MAGI2: variants seen among roughly 807,000 people sequenced by gnomAD.
The protein encoded by MAGI2 is membrane associated guanylate kinase, WW and PDZ domain containing 2.
In MAGI2, 35 loss-of-function variants were observed where a neutral mutation model predicts 133.3. That is an observed-to-expected ratio of 0.26 (90% CI 0.20 to 0.35). MAGI2 has a LOEUF of 0.35. MAGI2 is among the 10% of genes least tolerant of loss of function. The probability of loss-of-function intolerance (pLI) is 1.00; values close to 1 mark genes in which losing one functional copy is unlikely to be tolerated. For synonymous variants in MAGI2, 729 were observed against 710.6 expected (o/e 1.03, Z -0.41); for missense variants, 1,636 against 1,863.4 (o/e 0.88, Z 2.25).
chr7:79,191,306 G>A (rs1292218191), intron 1 of MAGI2, among the ~76,000 whole-genome samples: 1 of 149,248 alleles, frequency 6.7e-6, no homozygotes, highest in Non-Finnish European at 1.5e-5. Flanking sequence ...CCTTCACATA[G>A]AGATTATGTC....
At chr7:78,983,599 T>G (rs1175003397) in intron 2 of MAGI2, among the ~76,000 whole-genome samples, 3 of 152,006 alleles carry the variant, frequency 2.0e-5, no homozygotes, top group Admixed American at 6.6e-5. Context: ...TAAATAGTCT[T>G]GCATTCTATA....
intron 2 of MAGI2, among the ~76,000 whole-genome samples, chr7:78,871,841 C>T (rs890580782): frequency 6.6e-6 from 1 of 151,848 alleles, no homozygotes; most frequent in Non-Finnish European, 1.5e-5. Flanking sequence ...AAACTGAGTT[C>T]AGTTTAAGAA....
At chr7:78,903,233 G>C (rs1407553251) in intron 2 of MAGI2, among the ~76,000 whole-genome samples, 1 of 111,054 alleles carries the variant, frequency 9.0e-6, no homozygotes, top group Admixed American at 1.4e-4. Context: ...TCGCTCTTTC[G>C]CCCAGGCTGG....
At chr7:78,965,560 T>G (rs976493124) in intron 2 of MAGI2, among the ~76,000 whole-genome samples, 3 of 152,028 alleles carry the variant, frequency 2.0e-5, no homozygotes, top group Non-Finnish European at 4.4e-5. Context: ...TTTTTTTCAT[T>G]TTTACTTAGC....
chr7:78,851,172 T>C (rs929950024), intron 2 of MAGI2, among the ~76,000 whole-genome samples: 1 of 152,062 alleles, frequency 6.6e-6, no homozygotes, highest in African/African-American at 2.4e-5. Flanking sequence ...TAATAATAAA[T>C]ACCGTGATTA....
intron 2 of MAGI2, among the ~76,000 whole-genome samples, chr7:78,745,497 G>A (rs142700223): frequency 3.5e-3 from 539 of 151,848 alleles, no homozygotes; most frequent in Non-Finnish European, 5.5e-3. Flanking sequence ...CAAGGTGTGT[G>A]CTTTCTAATA....
chr7:78,542,076 G>A (rs1167207859), intron 3 of MAGI2, among the ~76,000 whole-genome samples: 1 of 152,086 alleles, frequency 6.6e-6, no homozygotes, highest in Non-Finnish European at 1.5e-5. Flanking sequence ...ATAAGTGTGG[G>A]TGTACACCAA....
chr7:79,204,349 C>T (rs7791566), intron 1 of MAGI2, among the ~76,000 whole-genome samples: 27,567 of 151,954 alleles, frequency 0.18, 6,356 homozygotes, highest in African/African-American at 0.53. Context: ...AACAGCAGGC[C>T]GGCCTCAGTG....
intron 2 of MAGI2, among the ~76,000 whole-genome samples, chr7:78,682,399 G>A (rs1815777680): frequency 6.6e-6 from 1 of 152,060 alleles, no homozygotes; most frequent in African/African-American, 2.4e-5. Context: ...GCAGGCCCCA[G>A]TGTGTGATGC....
intron 1 of MAGI2, among the ~76,000 whole-genome samples, chr7:79,406,275 C>A (rs560469802): frequency 1.2e-4 from 18 of 151,996 alleles, no homozygotes; most frequent in African/African-American, 4.3e-4. Context: ...AATAAGAGAC[C>A]TGGAAAACAT....
At chr7:78,917,727 A>G (rs1038010848) in intron 2 of MAGI2, among the ~76,000 whole-genome samples, 1 of 152,146 alleles carries the variant, frequency 6.6e-6, no homozygotes, top group Non-Finnish European at 1.5e-5. Context: ...TATCTGACAG[A>G]CACCGGCCAT....
intron 1 of MAGI2, among the ~76,000 whole-genome samples, chr7:79,443,210 C>T (rs1848606241): frequency 1.3e-5 from 2 of 151,666 alleles, no homozygotes; most frequent in Admixed American, 1.3e-4. Context: ...AGTCGGAGGT[C>T]TCTGTGAGCA....
intron 14 of MAGI2, among the ~76,000 whole-genome samples, chr7:78,173,746 G>A (rs1409978825): frequency 6.6e-6 from 1 of 152,080 alleles, no homozygotes; most frequent in African/African-American, 2.4e-5. Flanking sequence ...TCAGTCCTCT[G>A]GGTTGGGTAC....
intron 2 of MAGI2, among the ~76,000 whole-genome samples, chr7:78,802,104 C>T (rs552582095): frequency 6.6e-6 from 1 of 152,192 alleles, no homozygotes; most frequent in South Asian, 2.1e-4. Flanking sequence ...CTCTGGAACG[C>T]TCTTTTCTGT....
At chr7:78,454,751 G>T (rs1789122664) in intron 6 of MAGI2, among the ~76,000 whole-genome samples, 1 of 152,124 alleles carries the variant, frequency 6.6e-6, no homozygotes, top group South Asian at 2.1e-4. Context: ...AACGCAATGA[G>T]CTCTCAATCC....
At chr7:78,729,223 GA>G (rs1821131801) in intron 2 of MAGI2, among the ~76,000 whole-genome samples, 1 of 151,954 alleles carries the variant, frequency 6.6e-6, no homozygotes, top group Non-Finnish European at 1.5e-5. Flanking sequence ...TTAAGAACAA[GA>G]AAAAAAGTGA....
chr7:78,955,724 T>TCTTTCTTTCTTTCTTC (rs1562712733), intron 2 of MAGI2, among the ~76,000 whole-genome samples: 845 of 20,958 alleles, frequency 0.04, 22 homozygotes, highest in African/African-American at 0.11. Context: ...TCTTTCTTTC[T>TCTTTCTTTCTTTCTTC]CTTTCTTTCT....
At chr7:78,188,536 A>G (rs1314028213) in intron 12 of MAGI2, among the ~76,000 whole-genome samples, 1 of 152,186 alleles carries the variant, frequency 6.6e-6, no homozygotes, top group African/African-American at 2.4e-5. Flanking sequence ...TATTTTTCTA[A>G]TGCTAGAGTC....
intron 1 of MAGI2, among the ~76,000 whole-genome samples, chr7:79,181,979 C>T (rs181320948): frequency 3.9e-4 from 59 of 152,094 alleles, no homozygotes; most frequent in African/African-American, 1.4e-3. Flanking sequence ...CTGAGACCAC[C>T]TCAGCCTGGA....
Sources: gnomAD v4.1 joint callset for allele counts (sites outside exome capture counted in the v4.1 genomes callset) on GRCh38, gnomAD v4.1.1 for gene constraint, MANE v1.5 for transcripts, NCBI Gene and HGNC (gene_info 2026-07-23, HGNC 2026-07-21) for gene names.